MRTFB: variants seen among roughly 807,000 people sequenced by gnomAD.
The protein encoded by MRTFB is myocardin-related transcription factor B.
In MRTFB, 29 loss-of-function variants were observed where a neutral mutation model predicts 104.2. The ratio of observed to expected loss-of-function variants is 0.28; its 90% CI spans 0.21 to 0.38. The LOEUF is 0.38. MRTFB is among the 10% of genes least tolerant of loss of function. The probability of loss-of-function intolerance (pLI) is 1.00; values close to 1 mark genes in which losing one functional copy is unlikely to be tolerated. For synonymous variants in MRTFB, 535 were observed against 519.5 expected (o/e 1.03, Z -0.41); for missense variants, 1,270 against 1,341.6 (o/e 0.95, Z 0.83).
intron 3 of MRTFB, among the ~76,000 whole-genome samples, chr16:14,173,576 G>C (rs1173265313): frequency 6.6e-6 from 1 of 150,994 alleles, no homozygotes; most frequent in Admixed American, 6.6e-5. Flanking sequence ...TCTTGAATCT[G>C]TAAATTTATG....
chr16:14,187,089 C>T, intron 3 of MRTFB: 2 of 1,452,972 alleles, frequency 1.4e-6, no homozygotes, highest in Non-Finnish European at 1.9e-6. Context: ...TCTGGTCAGC[C>T]AGCTGAGCGT....
chr16:14,105,435 T>C (rs2035922282), intron 2 of MRTFB, among the ~76,000 whole-genome samples: 1 of 152,160 alleles, frequency 6.6e-6, no homozygotes, highest in Non-Finnish European at 1.5e-5. Context: ...TCTCGCTCTG[T>C]TGCCCAGGCA....
the MRTFB span, among the ~76,000 whole-genome samples, chr16:14,032,311 A>T: frequency 2.0e-5 from 3 of 152,200 alleles, no homozygotes; most frequent in Non-Finnish European, 4.4e-5. Flanking sequence ...AGGCTTCATT[A>T]AAACCCCAAA....
At chr16:14,004,063 A>C in the MRTFB span, among the ~76,000 whole-genome samples, 1 of 149,750 alleles carries the variant, frequency 6.7e-6, no homozygotes, top group Non-Finnish European at 1.5e-5. Context: ...TGGCAGCAGA[A>C]TGGAGGACTG....
intron 8 of MRTFB, among the ~76,000 whole-genome samples, chr16:14,228,843 A>G (rs1200364009): frequency 6.6e-6 from 1 of 152,198 alleles, no homozygotes; most frequent in Non-Finnish European, 1.5e-5. Context: ...GTGTGATTCC[A>G]CTTATATAAG....
At chr16:14,103,211 T>C (rs2035789026) in intron 2 of MRTFB, among the ~76,000 whole-genome samples, 1 of 152,188 alleles carries the variant, frequency 6.6e-6, no homozygotes, top group Non-Finnish European at 1.5e-5. Flanking sequence ...CTGGCTTCCT[T>C]ACTTACCTTA....
At chr16:14,064,231 G>C in the MRTFB span, among the ~76,000 whole-genome samples, 5 of 152,224 alleles carry the variant, frequency 3.3e-5, no homozygotes, top group Admixed American at 1.3e-4. Context: ...TGATTAGTGA[G>C]GTTGAGCATT....
intron 2 of MRTFB, among the ~76,000 whole-genome samples, chr16:14,086,762 G>C (rs940261995): frequency 6.6e-6 from 1 of 152,106 alleles, no homozygotes; most frequent in Non-Finnish European, 1.5e-5. Context: ...GGAAAGCAAG[G>C]AATTACTAGC....
the MRTFB span, among the ~76,000 whole-genome samples, chr16:14,065,221 T>C: frequency 6.6e-6 from 1 of 152,202 alleles, no homozygotes; most frequent in Non-Finnish European, 1.5e-5. Flanking sequence ...TGTGTGGCTA[T>C]TGCAAATGTG....
intron 2 of MRTFB, among the ~76,000 whole-genome samples, chr16:14,101,173 G>T (rs2035685250): frequency 6.9e-6 from 1 of 144,984 alleles, no homozygotes. Flanking sequence ...AGGGTAAAGT[G>T]TAGTTCATTT....
the MRTFB span, among the ~76,000 whole-genome samples, chr16:14,057,160 G>A: frequency 3.4e-4 from 51 of 152,172 alleles, no homozygotes; most frequent in Non-Finnish European, 5.1e-4. Context: ...GTGCAAGAGG[G>A]TCGGCCTGGG....
At chr16:14,192,567 C>G (rs1163289344) in intron 3 of MRTFB, among the ~76,000 whole-genome samples, 2 of 152,094 alleles carry the variant, frequency 1.3e-5, no homozygotes, top group Non-Finnish European at 2.9e-5. Context: ...TAGCACAATG[C>G]CAGTTATGTT....
At chr16:14,108,558 A>G (rs1175136361) in intron 2 of MRTFB, among the ~76,000 whole-genome samples, 1 of 152,206 alleles carries the variant, frequency 6.6e-6, no homozygotes, top group Non-Finnish European at 1.5e-5. Flanking sequence ...CAAGTAAGCT[A>G]ACTGCGGGGG....
At chr16:14,147,474 C>A (rs2038375677) in intron 3 of MRTFB, among the ~76,000 whole-genome samples, 1 of 152,154 alleles carries the variant, frequency 6.6e-6, no homozygotes, top group South Asian at 2.1e-4. Context: ...AAATAAGCAC[C>A]TGTAACCCTG....
chr16:14,258,534 G>A (rs1007635229), intron 16 of MRTFB, among the ~76,000 whole-genome samples: 4 of 152,238 alleles, frequency 2.6e-5, no homozygotes, highest in African/African-American at 9.6e-5. Flanking sequence ...GGTCAAGGCT[G>A]CAGTGAACTG....
chr16:14,088,375 C>G (rs2034850863), intron 2 of MRTFB, among the ~76,000 whole-genome samples: 2 of 152,248 alleles, frequency 1.3e-5, no homozygotes, highest in Non-Finnish European at 2.9e-5. Context: ...GGGCATGCAG[C>G]TAGTAGGTTA....
At chr16:14,202,902 G>A (rs551508918) in intron 3 of MRTFB, among the ~76,000 whole-genome samples, 175 of 152,284 alleles carry the variant, frequency 1.1e-3, no homozygotes, top group Non-Finnish European at 2.1e-3. Flanking sequence ...AAACTGTCTT[G>A]TTTTTACAGG....
intron 1 of MRTFB, among the ~76,000 whole-genome samples, chr16:14,076,852 T>G (rs987400447): frequency 6.6e-6 from 1 of 152,224 alleles, no homozygotes. Context: ...GATAACTCCA[T>G]GTAGTTTTAA....
intron 15 of MRTFB, among the ~76,000 whole-genome samples, chr16:14,256,205 A>AAAAC (rs983209945): frequency 2.6e-5 from 4 of 151,654 alleles, no homozygotes; most frequent in African/African-American, 9.7e-5. Context: ...AAAAAAAAAA[A>AAAAC]AAACCCCAGA....
Sources: allele counts gnomAD v4.1 joint callset (sites outside exome capture counted in the v4.1 genomes callset), GRCh38; gene constraint gnomAD v4.1.1; transcripts MANE v1.5; gene names NCBI Gene and HGNC (gene_info 2026-07-23, HGNC 2026-07-21).